The following ROBO1 variants were observed in gnomAD, a reference collection of about 807,000 sequenced individuals.
ROBO1 encodes roundabout homolog 1.
Under a neutral mutation model 195.9 loss-of-function variants are expected in ROBO1, and 149 were observed. The ratio of observed to expected loss-of-function variants is 0.76; its 90% CI spans 0.67 to 0.87. The LOEUF is 0.87. ROBO1 is among the 40% of genes least tolerant of loss of function. The pLI, the probability that ROBO1 is intolerant of heterozygous loss-of-function variation, is 0.00. For missense variants in ROBO1, 1,933 were observed against 2,068.3 expected (o/e 0.93, Z 1.27); for synonymous variants, 816 against 733.2 (o/e 1.11, Z -1.82).
intron 1 of ROBO1, among the ~76,000 whole-genome samples, chr3:79,678,223 C>G (rs1946842214): frequency 6.6e-6 from 1 of 151,768 alleles, no homozygotes; most frequent in South Asian, 2.1e-4. Flanking sequence ...AATTAGAGCA[C>G]TATGTATAAT....
chr3:79,145,227 C>T (rs570912311), intron 2 of ROBO1, among the ~76,000 whole-genome samples: 2 of 151,770 alleles, frequency 1.3e-5, no homozygotes, highest in African/African-American at 2.4e-5. Flanking sequence ...TTACTATAAA[C>T]ACCATAAAAC....
intron 2 of ROBO1, among the ~76,000 whole-genome samples, chr3:79,379,863 C>T (rs2036512362): frequency 6.6e-6 from 1 of 152,084 alleles, no homozygotes. Context: ...GACCAGAGCA[C>T]CAGGGGTGAG....
Position 79,757,503 on chromosome 3 carries a change from C to CCATATATATA in ROBO1, c.-51+10248_-51+10249insTATATATATG, listed in dbSNP as rs369407395. Among the ~76,000 whole-genome samples the CCATATATATA allele has an allele frequency of 1.8e-4, 26 of 145,334 alleles. 1 individual carries two copies. Among genetic ancestry groups the CCATATATATA allele is most frequent in the African/African-American group, 6.9e-4 (25 of 36,062 alleles). ...TTTCTTTCTTTCTCTCTCTCTCTCTCTCTCTCCATATATATATATGCCATC... is the reference window on the plus strand; with the variant it reads ...TTTCTTTCTTTCTCTCTCTCTCTCTCCATATATATATCTCTCCATATATATATATGCCATC... On this transcript the variant is annotated intron_variant, in intron 1 of 30. Transcript: ENST00000464233.
chr3:79,649,372 T>C (rs1181091511), intron 1 of ROBO1, among the ~76,000 whole-genome samples: 1 of 152,052 alleles, frequency 6.6e-6, no homozygotes, highest in South Asian at 2.1e-4. Context: ...ATTTAACCTA[T>C]CTATAGTTAT....
intron 2 of ROBO1, among the ~76,000 whole-genome samples, chr3:79,348,240 C>A (rs1186891874): frequency 6.7e-6 from 1 of 149,328 alleles, no homozygotes; most frequent in Non-Finnish European, 1.5e-5. Context: ...AGTGAAGATG[C>A]TGTAAGTGGA....
At chr3:79,480,402 A>G (rs1004506393) in intron 2 of ROBO1, among the ~76,000 whole-genome samples, 3 of 152,158 alleles carry the variant, frequency 2.0e-5, no homozygotes, top group Admixed American at 6.5e-5. Flanking sequence ...ATATATTGAA[A>G]TCAATATGGG....
At chr3:79,426,064 A>C (rs1170185881) in intron 2 of ROBO1, among the ~76,000 whole-genome samples, 1 of 152,158 alleles carries the variant, frequency 6.6e-6, no homozygotes. Flanking sequence ...AAGGAACTGA[A>C]GAGGTATGTA....
chr3:78,991,219 T>C (rs1014988305), intron 3 of ROBO1, among the ~76,000 whole-genome samples: 2 of 152,196 alleles, frequency 1.3e-5, no homozygotes, highest in Non-Finnish European at 2.9e-5. Flanking sequence ...GGAAAAACAA[T>C]TGGGGTAGGA....
chr3:78,763,098 G>A (rs1163614579), intron 4 of ROBO1, among the ~76,000 whole-genome samples: 1 of 152,102 alleles, frequency 6.6e-6, no homozygotes, highest in Non-Finnish European at 1.5e-5. Context: ...AGTAATGCTT[G>A]AAAGAAACAC....
intron 4 of ROBO1, among the ~76,000 whole-genome samples, chr3:78,847,989 T>A (rs1297159324): frequency 2.6e-5 from 4 of 152,210 alleles, no homozygotes. Context: ...ATAATCCTTC[T>A]GACTTTTTTT....
chr3:79,314,933 A>T (rs1386299781), intron 2 of ROBO1, among the ~76,000 whole-genome samples: 1 of 152,224 alleles, frequency 6.6e-6, no homozygotes, highest in East Asian at 1.9e-4. Flanking sequence ...GAAGAATAGG[A>T]AATAATAGAG....
intron 3 of ROBO1, among the ~76,000 whole-genome samples, chr3:78,940,804 C>T (rs2040088002): frequency 2.0e-5 from 3 of 152,154 alleles, no homozygotes; most frequent in Admixed American, 2.0e-4. Flanking sequence ...TCTGGTTTTG[C>T]TCATGGTATT....
chr3:79,755,665 G>GA lies in ROBO1; in HGVS notation c.-51+12086dup, dbSNP rs57015526. On this transcript the variant is annotated intron_variant, in intron 1 of 30. Transcript: ENST00000464233. ...AGAATGTGAATCATTATAATAAGAA[G>GA]AAAAAAAAACAAGAGGATGTGACTG... is the stretch of plus-strand genomic sequence containing the variant. 3.6e-4 allele frequency among the ~76,000 whole-genome samples: 54 copies of GA among 150,906 alleles called. No homozygotes were observed. In the South Asian group the frequency reaches 5.2e-3, roughly 15 times the overall value.
chr3:79,445,097 A>G (rs1353980354), intron 2 of ROBO1, among the ~76,000 whole-genome samples: 6 of 152,034 alleles, frequency 3.9e-5, no homozygotes, highest in African/African-American at 1.4e-4. Flanking sequence ...TTTTATGACA[A>G]TCAGTCCAGT....
intron 15 of ROBO1, 101 bp downstream of exon 15, chr3:78,661,892 C>T: frequency 7.6e-7 from 1 of 1,312,364 alleles, no homozygotes; most frequent in Non-Finnish European, 1.0e-6. Context: ...ATAAAGTTAT[C>T]ATTAATGTAC....
intron 2 of ROBO1, among the ~76,000 whole-genome samples, chr3:79,239,832 T>C (rs776429618): frequency 6.6e-5 from 10 of 152,224 alleles, no homozygotes; most frequent in Non-Finnish European, 1.0e-4. Context: ...CTAATGTATA[T>C]GTAATTAAAA....
intron 2 of ROBO1, among the ~76,000 whole-genome samples, chr3:79,366,196 A>G (rs2035970939): frequency 6.6e-6 from 1 of 152,142 alleles, no homozygotes; most frequent in Admixed American, 6.5e-5. Context: ...CATACCTCAC[A>G]TGATTAGGGT....
chr3:79,595,768 T>C (rs1944149844), intron 1 of ROBO1, among the ~76,000 whole-genome samples: 5 of 150,972 alleles, frequency 3.3e-5, no homozygotes, highest in African/African-American at 7.3e-5. Flanking sequence ...TTGCCCAAGA[T>C]GGTCTCGAAC....
intron 4 of ROBO1, among the ~76,000 whole-genome samples, chr3:78,931,243 T>C (rs112491122): frequency 5.3e-4 from 70 of 131,898 alleles, no homozygotes; most frequent in African/African-American, 2.0e-3. Context: ...TTTCTTTTTT[T>C]TTTTTTTTTT....
Sources: allele counts gnomAD v4.1 joint callset (sites outside exome capture counted in the v4.1 genomes callset), GRCh38; gene constraint gnomAD v4.1.1; transcripts MANE v1.5; gene names NCBI Gene and HGNC (gene_info 2026-07-23, HGNC 2026-07-21).